PALM: variants seen among roughly 807,000 people sequenced by gnomAD.
PALM encodes paralemmin, also known as paralemmin-1.
In PALM, 18 loss-of-function variants were observed where a neutral mutation model predicts 30.7. That is an observed-to-expected ratio of 0.59 (90% CI 0.41 to 0.87). The LOEUF is 0.87. Among genes scored for constraint, PALM ranks in the 40% least tolerant of loss-of-function variants. The pLI is 0.00. For missense variants in PALM, 529 were observed against 555.4 expected, an observed-to-expected ratio of 0.95 and a Z score of 0.48; for synonymous variants, 286 against 242.8, an observed-to-expected ratio of 1.18 and a Z score of -1.66.
At chr19:727,807 G>A (rs1315926103) in intron 4 of PALM, 113 bp downstream of exon 4, 3 of 1,006,500 alleles carry the variant, frequency 3.0e-6, no homozygotes, top group Non-Finnish European at 2.9e-6. Flanking sequence ...GAGATGCGTG[G>A]ACCGGGCAGG....
At chr19:730,067 G>A (rs1462377373) in intron 4 of PALM, among the ~76,000 whole-genome samples, 1 of 152,226 alleles carries the variant, frequency 6.6e-6, no homozygotes, top group East Asian at 1.9e-4. Flanking sequence ...CTGCTTCTCA[G>A]GTGCTGAAAC....
At position 746,512 on chromosome 19, in the gene PALM, C is replaced by G; in HGVS notation, c.862C>G (p.Pro288Ala). Residue 288 changes from proline to alanine, a missense_variant, in exon 9 of 9, where the codon CCG becomes GCG. Physicochemically the swap from Pro to Ala is conservative, Grantham distance 27. Coordinates refer to ENST00000338448, the MANE Select transcript of PALM (RefSeq NM_002579.3). The surrounding 1 kb of genome is among the most constrained non-coding windows in gnomAD (Gnocchi z 7.1). Reference protein sequence around the residue: ...AQPGEATSGPPGIQPGQEPPV... With the variant: ...AQPGEATSGPAGIQPGQEPPV... ...GCCAGGCGAGGCCACGTCCGGCCCG[C>G]CGGGGATCCAGCCCGGCCAGGAGCC... is the stretch of plus-strand genomic sequence containing the variant. The G allele has an allele frequency of 6.2e-7, 1 of 1,612,664 alleles. No individual in the cohort carries two copies. Among genetic ancestry groups the G allele is most frequent in the Non-Finnish European group, 8.5e-7 (1 of 1,179,792 alleles).
intron 7 of PALM, among the ~76,000 whole-genome samples, chr19:737,780 T>G (rs1234247789): frequency 6.6e-6 from 1 of 150,498 alleles, no homozygotes; most frequent in East Asian, 2.0e-4. Context: ...TGGAGCAGCG[T>G]GAGGAGGGGG....
chr19:732,559 G>A (rs760037979), intron 5 of PALM, among the ~76,000 whole-genome samples: 3 of 152,258 alleles, frequency 2.0e-5, no homozygotes, highest in Non-Finnish European at 2.9e-5. Flanking sequence ...ACCAGATGTC[G>A]TGGCCGGCAC....
intron 7 of PALM, among the ~76,000 whole-genome samples, chr19:736,514 C>G (rs892701245): frequency 4.6e-5 from 7 of 152,176 alleles, no homozygotes; most frequent in Non-Finnish European, 2.9e-5. Flanking sequence ...GGCAACCAAG[C>G]CAGGTCCCCA....
intron 7 of PALM, among the ~76,000 whole-genome samples, chr19:739,866 C>T (rs111694076): frequency 0.018 from 2,721 of 152,218 alleles, 81 homozygotes; most frequent in African/African-American, 0.061. Context: ...GTCCCAGCTA[C>T]GTGGAAGGCT....
At chr19:719,541 C>G (rs989084842) in intron 1 of PALM, 9 of 985,460 alleles carry the variant, frequency 9.1e-6, no homozygotes, top group Non-Finnish European at 1.1e-5. Flanking sequence ...GCTCGGAGAC[C>G]CAGCACCTGC....
chr19:718,520 C>CGAA (rs1431584178), intron 1 of PALM, among the ~76,000 whole-genome samples: 1 of 152,172 alleles, frequency 6.6e-6, no homozygotes, highest in Non-Finnish European at 1.5e-5. Flanking sequence ...GCCCCGTCTT[C>CGAA]CCCTGAGGGC....
rs191418704 is a variant in PALM, at chr19:730,343, C to T, written c.270-752C>T. 6.9e-3 allele frequency among the ~76,000 whole-genome samples: 1,058 copies of T among 152,284 alleles called. 14 individuals carry two copies. Among genetic ancestry groups the T allele is most frequent in the African/African-American group, 0.024 (1,018 of 41,554 alleles). Reference sequence around the variant, plus strand: ...TGTCCTCAGGCTGAGGCTGAGCTGCCGTGAATGTCGCCCGCCCTTGCCAGA... The same window carrying T: ...TGTCCTCAGGCTGAGGCTGAGCTGCTGTGAATGTCGCCCGCCCTTGCCAGA... On this transcript the variant is annotated intron_variant, in intron 4 of 8. Transcript: ENST00000338448.
intron 1 of PALM, among the ~76,000 whole-genome samples, chr19:724,255 T>A (rs971467018): frequency 6.6e-6 from 1 of 152,138 alleles, no homozygotes; most frequent in Non-Finnish European, 1.5e-5. Context: ...GGGCCCTGTA[T>A]CTTTGAAGCC....
chr19:721,838 TCCAC>T (rs1483275083), intron 1 of PALM, among the ~76,000 whole-genome samples: 4 of 150,388 alleles, frequency 2.7e-5, no homozygotes, highest in African/African-American at 7.3e-5. Context: ...CCTCAGGTGA[TCCAC>T]CCGCCTTGGC....
At position 709,071 on chromosome 19, in the gene PALM, C is replaced by G. The variant is rs2031981812; in HGVS notation, c.-76C>G. 4 of 233,894 alleles carry G rather than the reference C, an allele frequency of 1.7e-5. No individual in the cohort carries two copies. The highest frequency in any genetic ancestry group is 1.2e-4 in the Admixed American group (2 of 17,180). 14.5% of individuals were successfully genotyped at this position (233,894 alleles called of 1,614,324 possible). ...GGCCCCCGCCAGGCCGCGTCCCCCT[C>G]CCCTCCCCTCCCCCGCGCGCCACCC... is the stretch of plus-strand genomic sequence containing the variant. On this transcript the variant is annotated 5_prime_UTR_variant, in exon 1 of 9. Coordinates refer to ENST00000338448, the MANE Select transcript of PALM (RefSeq NM_002579.3). The surrounding 1 kb of genome is among the most constrained non-coding windows in gnomAD (Gnocchi z 4.3).
rs115433154 is a variant in PALM at position 733,671 on chromosome 19, G to T, written c.421-502G>T. ...GGTGGCCTGCGGGAGCCGCTGATGCGGGGGTATGTGGGGAGGGAGGGAAGA... is the reference window on the plus strand; with the variant it reads ...GGTGGCCTGCGGGAGCCGCTGATGCTGGGGTATGTGGGGAGGGAGGGAAGA... On this transcript the variant is annotated intron_variant, in intron 5 of 8. Coordinates refer to ENST00000338448, the MANE Select transcript of PALM (RefSeq NM_002579.3). Among the ~76,000 whole-genome samples the T allele has an allele frequency of 3.9e-3, 591 of 152,328 alleles. 3 individuals are homozygous for T. The highest frequency in any genetic ancestry group is 0.014 in the African/African-American group (572 of 41,584).
intron 1 of PALM, among the ~76,000 whole-genome samples, chr19:711,023 G>A (rs995432937): frequency 1.3e-5 from 2 of 152,350 alleles, no homozygotes; most frequent in African/African-American, 2.4e-5. Flanking sequence ...TTTTCCAGTC[G>A]AAGACACGGG....
At chr19:741,718 G>A (rs983902846) in intron 8 of PALM, among the ~76,000 whole-genome samples, 39 of 152,142 alleles carry the variant, frequency 2.6e-4, no homozygotes, top group Non-Finnish European at 4.6e-4. Context: ...ACGGTGCTGA[G>A]GTCTAATTTG....
At chr19:720,492 G>GGC (rs1296245007) in intron 1 of PALM, among the ~76,000 whole-genome samples, 1 of 145,466 alleles carries the variant, frequency 6.9e-6, no homozygotes, top group East Asian at 2.2e-4. Flanking sequence ...GGGGCGCCCG[G>GGC]GCCTGGGGAG....
chr19:739,753 A>G (rs2033132319), intron 7 of PALM, among the ~76,000 whole-genome samples: 1 of 152,154 alleles, frequency 6.6e-6, no homozygotes, highest in African/African-American at 2.4e-5. Context: ...AGGCAGGTGG[A>G]TCACCTGAGG....
intron 4 of PALM, among the ~76,000 whole-genome samples, chr19:728,427 C>T (rs1345381715): frequency 1.3e-5 from 2 of 152,194 alleles, no homozygotes; most frequent in Non-Finnish European, 2.9e-5. Context: ...CCGTGGGGGC[C>T]CCTCCCTGCC....
At chr19:735,416 G>A (rs1336831490) in intron 6 of PALM, among the ~76,000 whole-genome samples, 1 of 129,070 alleles carries the variant, frequency 7.7e-6, no homozygotes, top group Non-Finnish European at 1.6e-5. Flanking sequence ...TCCTGTGTCC[G>A]GGTGTCTGGA....
Sources: gnomAD v4.1 joint callset for allele counts (sites outside exome capture counted in the v4.1 genomes callset) on GRCh38, gnomAD v4.1.1 for gene constraint, Gnocchi (gnomAD v3.1) non-coding constraint, MANE v1.5 for transcripts, NCBI Gene and HGNC (gene_info 2026-07-23, HGNC 2026-07-21) for gene names.